DIAPH2: variants seen among roughly 807,000 people sequenced by gnomAD.
DIAPH2 encodes diaphanous related formin 2, also known as protein diaphanous homolog 2.
DIAPH2 carries 35 observed loss-of-function variants against 92.7 expected under a neutral mutation model. The observed-to-expected ratio is 0.38, with a 90% CI of 0.29 to 0.50. The LOEUF is 0.50. Ranked by LOEUF, DIAPH2 falls within the 20% of genes least tolerant of loss-of-function variation. The pLI, the probability that DIAPH2 is intolerant of heterozygous loss-of-function variation, is 0.94. For missense variants in DIAPH2, 701 were observed against 819.5 expected (o/e 0.86, Z 1.77); for synonymous variants, 301 against 280.4 (o/e 1.07, Z -0.73).
At chrX:97,001,298 A>T (rs906711629) in intron 17 of DIAPH2, among the ~76,000 whole-genome samples, 2 of 112,060 alleles carry the variant, frequency 1.8e-5, no homozygotes, top group Admixed American at 9.5e-5. Context: ...ATTAACTTAC[A>T]TAATACAAAA....
chrX:97,104,086 T>C lies in DIAPH2; in HGVS notation c.2349+4291T>C, dbSNP rs756850344. Among the ~76,000 whole-genome samples the C allele has an allele frequency of 1.1e-3, 118 of 112,021 alleles. 1 individual carries two copies. Among genetic ancestry groups the C allele is most frequent in the Middle Eastern group, 4.6e-3 (1 of 218 alleles). On this transcript the variant is annotated intron_variant, in intron 20 of 26. Coordinates refer to ENST00000324765, the MANE Select transcript of DIAPH2 (RefSeq NM_006729.5). Reference sequence around the variant, plus strand: ...AGATTACCTTTTTTCTTTTCCTTTCTAGAAATCATCCTGGATTTTAATTAA... The same window carrying C: ...AGATTACCTTTTTTCTTTTCCTTTCCAGAAATCATCCTGGATTTTAATTAA...
chrX:97,077,939 T>A (rs2066716136), intron 19 of DIAPH2, among the ~76,000 whole-genome samples: 1 of 111,689 alleles, frequency 9.0e-6, no homozygotes, highest in East Asian at 2.8e-4. Context: ...TGTCAAATAA[T>A]GTGTACTAAA....
chrX:97,237,137 T>C (rs920962554), intron 22 of DIAPH2, among the ~76,000 whole-genome samples: 4 of 112,404 alleles, frequency 3.6e-5, no homozygotes, highest in Non-Finnish European at 7.5e-5. Context: ...AGGATTTTCT[T>C]CTTTCTAGTT....
chrX:97,212,844 C>T (rs975814261), intron 22 of DIAPH2, among the ~76,000 whole-genome samples: 5 of 111,057 alleles, frequency 4.5e-5, no homozygotes, highest in African/African-American at 1.3e-4. Context: ...GCATAAAAAC[C>T]GTGCTTTTTG....
At chrX:97,356,577 A>G (rs2069269679) in intron 24 of DIAPH2, among the ~76,000 whole-genome samples, 1 of 112,042 alleles carries the variant, frequency 8.9e-6, no homozygotes, top group African/African-American at 3.2e-5. Flanking sequence ...ACTTTACTGT[A>G]TTTTACAGAT....
At chrX:97,591,188 C>A (rs2071514432) in intron 26 of DIAPH2, among the ~76,000 whole-genome samples, 2 of 111,693 alleles carry the variant, frequency 1.8e-5, no homozygotes, top group Admixed American at 1.9e-4. Context: ...GTTGAAATCC[C>A]CCTATCTTTT....
chrX:96,839,198 A>G (rs2064919385), intron 4 of DIAPH2, among the ~76,000 whole-genome samples: 1 of 111,513 alleles, frequency 9.0e-6, no homozygotes, highest in Admixed American at 9.6e-5. Flanking sequence ...CAGATGGGCT[A>G]GATTGAAACC....
intron 4 of DIAPH2, among the ~76,000 whole-genome samples, chrX:96,764,243 A>G (rs1195136362): frequency 9.0e-6 from 1 of 111,155 alleles, no homozygotes; most frequent in Non-Finnish European, 1.9e-5. Flanking sequence ...AAATCTGTGT[A>G]AATTTCTGCA....
intron 20 of DIAPH2, among the ~76,000 whole-genome samples, chrX:97,112,777 T>C (rs1452816996): frequency 2.8e-5 from 2 of 71,946 alleles, no homozygotes; most frequent in Non-Finnish European, 5.2e-5. Flanking sequence ...TTTTTTTTTT[T>C]TTTTTTTTTT....
Position 97,547,534 on chromosome X carries a change from A to G in DIAPH2, c.3242-51719A>G, listed in dbSNP as rs952546045. ...ACAGACATAATAAAAACCTAACAAA[A>G]GATGTTGAAGTCTGACCAGCATACC... On this transcript the variant is annotated intron_variant, in intron 26 of 26. Transcript: ENST00000324765. Among the ~76,000 whole-genome samples the G allele has an allele frequency of 2.7e-5, 3 of 112,064 alleles. 1 individual carries two copies. The Middle Eastern group carries it at 0.014, about 516-fold the overall frequency.
chrX:97,178,599 C>T (rs2067514011), intron 22 of DIAPH2, among the ~76,000 whole-genome samples: 1 of 108,068 alleles, frequency 9.3e-6, no homozygotes, highest in African/African-American at 3.4e-5. Flanking sequence ...ATTACAGGCG[C>T]CCACCATCAC....
At chrX:97,152,516 T>G (rs2067292635) in intron 22 of DIAPH2, among the ~76,000 whole-genome samples, 1 of 112,023 alleles carries the variant, frequency 8.9e-6, no homozygotes, top group African/African-American at 3.2e-5. Flanking sequence ...TTCTTACAGT[T>G]CTGGAGGCTG....
intron 26 of DIAPH2, among the ~76,000 whole-genome samples, chrX:97,433,129 C>T (rs985536159): frequency 3.6e-5 from 4 of 111,179 alleles, no homozygotes; most frequent in Non-Finnish European, 1.9e-5. Flanking sequence ...GCCCATTCAG[C>T]GGATGTGCTG....
chrX:97,588,670 T>A (rs1170968635), intron 26 of DIAPH2, among the ~76,000 whole-genome samples: 1 of 110,509 alleles, frequency 9.0e-6, no homozygotes, highest in Admixed American at 9.7e-5. Flanking sequence ...AAATGATAAC[T>A]GTGTGGACAC....
intron 15 of DIAPH2, among the ~76,000 whole-genome samples, chrX:96,956,611 C>T: frequency 8.9e-6 from 1 of 112,072 alleles, no homozygotes; most frequent in Non-Finnish European, 1.9e-5. Context: ...CCTAAATCAT[C>T]TCTCTCAAGT....
chrX:97,086,414 T>C (rs1032327048), intron 19 of DIAPH2, among the ~76,000 whole-genome samples: 6 of 111,485 alleles, frequency 5.4e-5, no homozygotes, highest in African/African-American at 2.0e-4. Flanking sequence ...TTGGGAGATA[T>C]TGATCAAAGA....
At chrX:97,407,676 C>G (rs1315734011) in intron 25 of DIAPH2, among the ~76,000 whole-genome samples, 1 of 112,004 alleles carries the variant, frequency 8.9e-6, no homozygotes, top group East Asian at 2.8e-4. Flanking sequence ...TAATCCCAAG[C>G]AAGAAATTAA....
At chrX:96,771,886 C>T (rs1331953855) in intron 4 of DIAPH2, among the ~76,000 whole-genome samples, 1 of 110,224 alleles carries the variant, frequency 9.1e-6, no homozygotes, top group African/African-American at 3.3e-5. Context: ...AAAAATAAAA[C>T]AATTAGCTGG....
chrX:97,571,167 T>A (rs2071367454), intron 26 of DIAPH2, among the ~76,000 whole-genome samples: 1 of 111,382 alleles, frequency 9.0e-6, no homozygotes. Context: ...AGGTGGCCAG[T>A]AAGGATAAAA....
Sources: gnomAD v4.1 joint callset for allele counts (sites outside exome capture counted in the v4.1 genomes callset) on GRCh38, gnomAD v4.1.1 for gene constraint, MANE v1.5 for transcripts, NCBI Gene and HGNC (gene_info 2026-07-23, HGNC 2026-07-21) for gene names.